FRMD4A: variants seen among roughly 807,000 people sequenced by gnomAD.
FRMD4A encodes FERM domain-containing protein 4A.
A neutral mutation model predicts 129.1 loss-of-function variants in FRMD4A; 29 were observed. The observed-to-expected ratio is 0.22, with a 90% CI of 0.17 to 0.31. FRMD4A has a LOEUF of 0.31. Among genes scored for constraint, FRMD4A ranks in the 10% least tolerant of loss-of-function variants. The pLI, the probability that FRMD4A is intolerant of heterozygous loss-of-function variation, is 1.00. For missense variants in FRMD4A, 1,272 were observed against 1,375.8 expected (o/e 0.92, Z 1.19); for synonymous variants, 634 against 571.6 (o/e 1.11, Z -1.56).
intron 2 of FRMD4A, among the ~76,000 whole-genome samples, chr10:14,121,220 T>G (rs965431338): frequency 2.0e-5 from 3 of 152,098 alleles, no homozygotes; most frequent in African/African-American, 7.2e-5. Flanking sequence ...ATACAAAAGT[T>G]AGCCGGGCAT....
At chr10:14,326,756 C>T (rs1480291378) in intron 2 of FRMD4A, 4 of 397,772 alleles carry the variant, frequency 1.0e-5, no homozygotes, top group South Asian at 2.7e-4. Context: ...TGAACTCACA[C>T]GCCCTCAACA....
intron 2 of FRMD4A, among the ~76,000 whole-genome samples, chr10:14,001,882 G>T (rs550164761): frequency 6.6e-6 from 1 of 152,214 alleles, no homozygotes; most frequent in Admixed American, 6.5e-5. Flanking sequence ...TCCACTGAAA[G>T]CCGTCTGCTG....
intron 15 of FRMD4A, among the ~76,000 whole-genome samples, chr10:13,690,025 A>G (rs1314576664): frequency 6.6e-6 from 1 of 152,250 alleles, no homozygotes; most frequent in Non-Finnish European, 1.5e-5. Flanking sequence ...CTTTTAAGGA[A>G]CAATTATTAG....
chr10:14,000,893 A>G (rs977348153), intron 2 of FRMD4A, among the ~76,000 whole-genome samples: 1 of 152,144 alleles, frequency 6.6e-6, no homozygotes, highest in Non-Finnish European at 1.5e-5. Context: ...TCAGGTAACT[A>G]TCCAGAGACT....
intron 13 of FRMD4A, among the ~76,000 whole-genome samples, chr10:13,704,677 G>C (rs572137251): frequency 6.6e-6 from 1 of 152,110 alleles, no homozygotes; most frequent in Admixed American, 6.6e-5. Flanking sequence ...ATGAGCTCTG[G>C]AGCCAGACCT....
intron 2 of FRMD4A, among the ~76,000 whole-genome samples, chr10:14,031,979 T>C (rs1833269519): frequency 6.6e-6 from 1 of 152,138 alleles, no homozygotes; most frequent in African/African-American, 2.4e-5. Context: ...ATATTCTAAG[T>C]TTTTAATTTT....
intron 6 of FRMD4A, among the ~76,000 whole-genome samples, chr10:13,779,281 A>G (rs955993375): frequency 1.3e-5 from 2 of 151,788 alleles, no homozygotes; most frequent in Non-Finnish European, 1.5e-5. Flanking sequence ...ATGCCATTAC[A>G]CTACAGCCTG....
rs190157111 is a variant in FRMD4A, at chr10:14,205,041, A to G, written c.45+125017T>C. 1.7e-3 allele frequency among the ~76,000 whole-genome samples: 221 copies of G among 127,166 alleles called. 1 individual carries two copies. In the South Asian group the frequency reaches 0.022, roughly 13 times the overall value. 83.4% of individuals were successfully genotyped at this position (127,166 alleles called of 152,430 possible). A position where few individuals can be genotyped will look rare whatever the true frequency, so the allele number is the denominator to read the frequency against. ...TTCCTTACCAAAGTTCTGCCTGATC[A>G]TCTTTTTTTTCTTTTCTTTCTTTTT... On this transcript the variant is annotated intron_variant, in intron 2 of 24. Transcript: ENST00000357447.
rs1253376273 is a variant in FRMD4A at position 13,821,269 on chromosome 10, C to T, written c.112-10361G>A. ...TTCCTTCCTGCCTCTCCAGCACAGCCCTGGGTTCTGTGGCAGGGGACACAG... is the reference window on the plus strand; with the variant it reads ...TTCCTTCCTGCCTCTCCAGCACAGCTCTGGGTTCTGTGGCAGGGGACACAG... On this transcript the variant is annotated intron_variant, in intron 3 of 24. Coordinates refer to ENST00000357447, the MANE Select transcript of FRMD4A (RefSeq NM_018027.5). This position sits in a 1 kb window ranked among gnomAD's most constrained non-coding sequence, Gnocchi z 4.3. Among the ~76,000 whole-genome samples the T allele has an allele frequency of 1.3e-5, 2 of 152,084 alleles. No individual in the cohort carries two copies. Among genetic ancestry groups the T allele is most frequent in the Admixed American group, 6.5e-5 (1 of 15,286 alleles).
chr10:14,184,667 G>A (rs1589139055), intron 2 of FRMD4A, among the ~76,000 whole-genome samples: 1 of 152,180 alleles, frequency 6.6e-6, no homozygotes, highest in Admixed American at 6.5e-5. Context: ...AGGCCGGGCA[G>A]AGCATGGCTT....
intron 2 of FRMD4A, among the ~76,000 whole-genome samples, chr10:14,216,950 T>C (rs1023500805): frequency 2.0e-5 from 3 of 152,178 alleles, no homozygotes; most frequent in African/African-American, 7.2e-5. Context: ...CGAAATGCAG[T>C]TGAGGATTTT....
At chr10:13,926,573 A>T (rs1037971725) in intron 2 of FRMD4A, among the ~76,000 whole-genome samples, 7 of 152,222 alleles carry the variant, frequency 4.6e-5, no homozygotes, top group African/African-American at 1.4e-4. Context: ...ATCTCCTTCA[A>T]ACACTAGCAG....
At chr10:14,103,132 G>C (rs747617587) in intron 2 of FRMD4A, among the ~76,000 whole-genome samples, 8 of 152,154 alleles carry the variant, frequency 5.3e-5, no homozygotes, top group Non-Finnish European at 8.8e-5. Context: ...TAGGTGCCTT[G>C]GCCAACAGCA....
intron 2 of FRMD4A, among the ~76,000 whole-genome samples, chr10:14,194,971 G>A (rs12570879): frequency 6.6e-6 from 1 of 151,918 alleles, no homozygotes; most frequent in Non-Finnish European, 1.5e-5. Flanking sequence ...TAAGAGAAGT[G>A]CCCCTATTTC....
chr10:13,964,376 A>G (rs2095469634), intron 2 of FRMD4A, among the ~76,000 whole-genome samples: 1 of 150,538 alleles, frequency 6.6e-6, no homozygotes, highest in Admixed American at 6.7e-5. Context: ...GCCAGAAGCA[A>G]TTTATGGTAA....
intron 2 of FRMD4A, among the ~76,000 whole-genome samples, chr10:14,170,119 C>A (rs957882596): frequency 2.0e-5 from 3 of 152,180 alleles, no homozygotes; most frequent in Non-Finnish European, 4.4e-5. Flanking sequence ...CCCTAAGGAG[C>A]CATAGAGCTT....
intron 5 of FRMD4A, among the ~76,000 whole-genome samples, chr10:13,787,009 T>A (rs112154877): frequency 0.014 from 2,104 of 152,292 alleles, 19 homozygotes; most frequent in Non-Finnish European, 0.021. Flanking sequence ...CACTCTCATA[T>A]GATGGAAAAC....
At chr10:14,318,331 T>C (rs1261354784) in intron 2 of FRMD4A, among the ~76,000 whole-genome samples, 6 of 145,392 alleles carry the variant, frequency 4.1e-5, no homozygotes, top group Admixed American at 6.8e-5. Flanking sequence ...CCCCCCACCT[T>C]TTTTTTTTTA....
intron 8 of FRMD4A, among the ~76,000 whole-genome samples, chr10:13,752,472 C>T (rs1406718834): frequency 1.3e-5 from 2 of 152,154 alleles, no homozygotes; most frequent in Non-Finnish European, 2.9e-5. Flanking sequence ...TCAAGAAAGT[C>T]CCCCTGGGTC....
Sources: allele counts gnomAD v4.1 joint callset (sites outside exome capture counted in the v4.1 genomes callset), GRCh38; gene constraint gnomAD v4.1.1; non-coding constraint Gnocchi (gnomAD v3.1); transcripts MANE v1.5; gene names NCBI Gene and HGNC (gene_info 2026-07-23, HGNC 2026-07-21).